The following SBF2 variants were observed in gnomAD, a reference collection of about 807,000 sequenced individuals.
The protein encoded by SBF2 is SET binding factor 2.
Under a neutral mutation model 225.2 loss-of-function variants are expected in SBF2, and 112 were observed. That is an observed-to-expected ratio of 0.50 (90% confidence interval 0.43 to 0.58). The LOEUF (loss-of-function observed/expected upper bound fraction) is 0.58, where lower values mean the gene tolerates loss of function less well. Among genes scored for constraint, SBF2 ranks in the 20% least tolerant of loss-of-function variants. The pLI, the probability that SBF2 is intolerant of heterozygous loss-of-function variation, is 0.00. For missense variants in SBF2, 1,996 were observed against 2,206.2 expected, an observed-to-expected ratio of 0.90 and a Z score of 1.91; for synonymous variants, 763 against 773.3, an observed-to-expected ratio of 0.99 and a Z score of 0.22.
chr11:9,938,941 T>C (rs1443385861), intron 16 of SBF2, among the ~76,000 whole-genome samples: 7 of 151,570 alleles, frequency 4.6e-5, no homozygotes, highest in Non-Finnish European at 2.9e-5. Flanking sequence ...TGGGAAAAAA[T>C]TGTAAAGGGC....
chr11:10,135,906 G>A (rs764281418), intron 2 of SBF2, among the ~76,000 whole-genome samples: 5 of 151,918 alleles, frequency 3.3e-5, no homozygotes, highest in East Asian at 3.9e-4. Flanking sequence ...TTACTGCAGC[G>A]CCCCACTCTC....
At chr11:9,970,441 G>A (rs900018504) in intron 13 of SBF2, among the ~76,000 whole-genome samples, 2 of 151,964 alleles carry the variant, frequency 1.3e-5, no homozygotes, top group Non-Finnish European at 2.9e-5. Flanking sequence ...TCCTGACCTC[G>A]TGATCCACCC....
At chr11:10,180,749 C>T (rs182694612) in intron 2 of SBF2, among the ~76,000 whole-genome samples, 1 of 152,208 alleles carries the variant, frequency 6.6e-6, no homozygotes, top group East Asian at 1.9e-4. Flanking sequence ...TGTAGGTATG[C>T]TTCATTCTTT....
At chr11:9,965,144 A>G (rs1866818239) in intron 14 of SBF2, among the ~76,000 whole-genome samples, 1 of 152,146 alleles carries the variant, frequency 6.6e-6, no homozygotes, top group African/African-American at 2.4e-5. Context: ...AGCCAAAAAG[A>G]CTACTTATAT....
chr11:10,113,706 T>C (rs145160816), intron 2 of SBF2, among the ~76,000 whole-genome samples: 233 of 152,190 alleles, frequency 1.5e-3, no homozygotes, highest in African/African-American at 5.5e-3. Context: ...AGAAAAATTA[T>C]TCAATTTTAT....
At chr11:10,283,758 AT>A (rs1178957989) in intron 1 of SBF2, among the ~76,000 whole-genome samples, 1 of 152,232 alleles carries the variant, frequency 6.6e-6, no homozygotes, top group Non-Finnish European at 1.5e-5. Context: ...TTAGAAGCTA[AT>A]GATATTTCTT....
intron 13 of SBF2, among the ~76,000 whole-genome samples, chr11:9,988,654 G>T (rs925093195): frequency 1.3e-5 from 2 of 152,134 alleles, no homozygotes. Flanking sequence ...ATGAAAAAAT[G>T]CTCAACATCA....
At chr11:10,075,847 C>T (rs1483904075) in intron 2 of SBF2, among the ~76,000 whole-genome samples, 1 of 151,770 alleles carries the variant, frequency 6.6e-6, no homozygotes, top group Non-Finnish European at 1.5e-5. Context: ...ACACCTCTAG[C>T]CTGAGACATA....
At chr11:10,267,733 C>A (rs1243495730) in intron 1 of SBF2, among the ~76,000 whole-genome samples, 3 of 152,146 alleles carry the variant, frequency 2.0e-5, no homozygotes, top group African/African-American at 7.2e-5. Context: ...AGACTTTATT[C>A]TTCTACAACC....
At chr11:10,157,980 T>C (rs935799048) in intron 2 of SBF2, among the ~76,000 whole-genome samples, 1 of 152,090 alleles carries the variant, frequency 6.6e-6, no homozygotes, top group Non-Finnish European at 1.5e-5. Flanking sequence ...ACTGAAATCA[T>C]AGCAAGAATA....
intron 1 of SBF2, among the ~76,000 whole-genome samples, chr11:10,287,584 A>G (rs570416635): frequency 9.1e-4 from 139 of 152,248 alleles, no homozygotes; most frequent in African/African-American, 3.2e-3. Flanking sequence ...CCCTATATCT[A>G]TATCTTGATT....
intron 2 of SBF2, among the ~76,000 whole-genome samples, chr11:10,096,203 A>G (rs1201200133): frequency 2.0e-5 from 3 of 152,284 alleles, no homozygotes; most frequent in African/African-American, 7.2e-5. Context: ...AGATAATTGT[A>G]TTTTTCTACA....
intron 16 of SBF2, among the ~76,000 whole-genome samples, chr11:9,916,962 C>T (rs1863150635): frequency 6.6e-6 from 1 of 151,652 alleles, no homozygotes; most frequent in Middle Eastern, 3.2e-3. Flanking sequence ...CTTGGGCCTT[C>T]TGTAACCCCC....
At chr11:9,835,419 G>T (rs2133943387) in intron 26 of SBF2, among the ~76,000 whole-genome samples, 1 of 152,028 alleles carries the variant, frequency 6.6e-6, no homozygotes, top group East Asian at 1.9e-4. Flanking sequence ...AGGAGTTTGA[G>T]ACCAGCCTGG....
rs1311918934 is a variant in SBF2 at position 10,196,855 on chromosome 11, TA to T, written c.56-2869del. On this transcript the variant is annotated intron_variant, in intron 1 of 39. Transcript: ENST00000256190. The stretch of plus-strand genomic sequence containing the variant: ...TTGCATAAATATATATATATATATA[TA>T]TATATATATATTTTTTTTTTCCTAC... Among the ~76,000 whole-genome samples, 36 of 33,950 alleles carry T rather than the reference TA, an allele frequency of 1.1e-3. 1 individual carries two copies. The highest frequency in any genetic ancestry group is 1.1e-3 in the South Asian group (1 of 876). 22.3% of individuals were successfully genotyped at this position (33,950 alleles called of 152,430 possible). A position where few individuals can be genotyped will look rare whatever the true frequency, so the allele number is the denominator to read the frequency against.
chr11:9,932,850 G>A (rs557183158), intron 16 of SBF2, among the ~76,000 whole-genome samples: 1 of 149,402 alleles, frequency 6.7e-6, no homozygotes, highest in East Asian at 2.0e-4. Context: ...TGAATAAAGA[G>A]TCAAGACCCA....
intron 17 of SBF2, among the ~76,000 whole-genome samples, chr11:9,873,079 A>G (rs1858910394): frequency 6.6e-6 from 1 of 151,652 alleles, no homozygotes; most frequent in East Asian, 1.9e-4. Flanking sequence ...GGTGGCACAC[A>G]CCTGTAGTCC....
At chr11:10,206,091 A>G (rs1957742835) in intron 1 of SBF2, among the ~76,000 whole-genome samples, 1 of 151,544 alleles carries the variant, frequency 6.6e-6, no homozygotes, top group African/African-American at 2.4e-5. Context: ...TAGCACCAAT[A>G]ATGAACATCG....
intron 1 of SBF2, among the ~76,000 whole-genome samples, chr11:10,214,546 CT>C (rs1188779718): frequency 1.3e-5 from 2 of 152,160 alleles, no homozygotes; most frequent in Non-Finnish European, 2.9e-5. Context: ...TCGCTTGAAC[CT>C]AGGAGGCGGA....
Sources: allele counts gnomAD v4.1 joint callset (sites outside exome capture counted in the v4.1 genomes callset), GRCh38; gene constraint gnomAD v4.1.1; transcripts MANE v1.5; gene names NCBI Gene and HGNC (gene_info 2026-07-23, HGNC 2026-07-21).